CEP63: variants seen among roughly 807,000 people sequenced by gnomAD.
CEP63 encodes centrosomal protein 63, also known as centrosomal protein of 63 kDa.
CEP63 carries 84 observed loss-of-function variants against 89.1 expected under a neutral mutation model. The observed-to-expected ratio is 0.94, with a 90% CI of 0.79 to 1.13. CEP63 has a LOEUF of 1.13. Among genes scored for constraint, CEP63 ranks in the 50% most tolerant of loss-of-function variants. CEP63 has a pLI of 0.00. For synonymous variants in CEP63, 267 were observed against 272.5 expected (o/e 0.98, Z 0.20); for missense variants, 838 against 813.3 (o/e 1.03, Z -0.37).
At chr3:134,744,945 A>G in the CEP63 span, among the ~76,000 whole-genome samples, 2 of 152,224 alleles carry the variant, frequency 1.3e-5, no homozygotes, top group Admixed American at 6.5e-5. Flanking sequence ...ATGAGCACAT[A>G]CAATAAAATG....
chr3:134,690,967 T>C, the CEP63 span, among the ~76,000 whole-genome samples: 2 of 152,146 alleles, frequency 1.3e-5, no homozygotes, highest in Admixed American at 6.5e-5. Context: ...CAGGCTGGTC[T>C]CAAACTCCTG....
At chr3:134,742,735 G>C in the CEP63 span, among the ~76,000 whole-genome samples, 2 of 152,346 alleles carry the variant, frequency 1.3e-5, no homozygotes, top group East Asian at 3.9e-4. Context: ...TCATGGGTGG[G>C]TTTAACTTCT....
In CEP63 at chr3:134,507,200, C is replaced by T. The variant is rs373820907; in HGVS notation, c.136C>T (p.Arg46Cys). ...VAHKKSEWEG[R>C]THALETCLKI... The stretch of plus-strand genomic sequence containing the variant: ...TCATAAAAAATCTGAATGGGAAGGA[C>T]GTACACATGCTCTAGAAACTTGCTT... The change falls in exon 3 of 15, where the codon CGT (arginine) becomes TGT (cysteine). Residue 46 changes from arginine (R) to cysteine (C), a missense_variant. Arg to Cys is a radical substitution (Grantham distance 180). Transcript: ENST00000675561. 42 of 1,612,236 alleles carry T rather than the reference C, an allele frequency of 2.6e-5. No homozygotes were observed. In the Admixed American group the frequency reaches 4.3e-4, roughly 17 times the overall value.
the CEP63 span, among the ~76,000 whole-genome samples, chr3:134,781,537 C>G: frequency 0.01 from 1,571 of 152,250 alleles, 28 homozygotes; most frequent in African/African-American, 0.034. Context: ...GGGCTGCAAG[C>G]CTACCCATCA....
At chr3:134,668,029 C>T in the CEP63 span, among the ~76,000 whole-genome samples, 9 of 152,212 alleles carry the variant, frequency 5.9e-5, no homozygotes, top group Non-Finnish European at 7.3e-5. Flanking sequence ...CCTGGTGACA[C>T]GTCCTGGGAG....
chr3:134,777,793 T>G, the CEP63 span, among the ~76,000 whole-genome samples: 1 of 151,834 alleles, frequency 6.6e-6, no homozygotes, highest in African/African-American at 2.4e-5. Flanking sequence ...TTTGAATTTT[T>G]TTAGTAGAGA....
downstream of CEP63, among the ~76,000 whole-genome samples, chr3:134,588,907 C>T (rs933950841): frequency 1.3e-5 from 2 of 152,096 alleles, no homozygotes; most frequent in African/African-American, 4.8e-5. Flanking sequence ...ATCTTACAGA[C>T]AGTAACAAAA....
At chr3:134,699,937 C>G in the CEP63 span, among the ~76,000 whole-genome samples, 1 of 152,248 alleles carries the variant, frequency 6.6e-6, no homozygotes, top group Non-Finnish European at 1.5e-5. Context: ...AGCTCCAGAA[C>G]TGACTGAGTC....
chr3:134,581,556 G>A (rs1958347878), intron 10 of CEP63, among the ~76,000 whole-genome samples: 1 of 151,498 alleles, frequency 6.6e-6, no homozygotes, highest in African/African-American at 2.4e-5. Context: ...ACTCCAGCCT[G>A]GGCAACAAGA....
chr3:134,679,849 A>T, the CEP63 span, among the ~76,000 whole-genome samples: 2 of 152,270 alleles, frequency 1.3e-5, no homozygotes, highest in African/African-American at 4.8e-5. Context: ...CAGCCTCCAG[A>T]GTAGCTGGGA....
Position 134,581,981 on chromosome 3 carries a change from AT to A in CEP63, c.1207-5470del, listed in dbSNP as rs746956984. On this transcript the variant is annotated intron_variant, in intron 10 of 10. Transcript: ENST00000683931. ...TGAGCCACCGCGCCCGGCCGAAAAC[AT>A]TTTTTTAAACCAGAAATAGAAATAG... Among the ~76,000 whole-genome samples the A allele has an allele frequency of 1.5e-3, 223 of 152,160 alleles. 2 individuals are homozygous for A. The highest frequency in any genetic ancestry group is 5.2e-3 in the African/African-American group (215 of 41,534).
At chr3:134,561,250 A>C in intron 14 of CEP63, 127 bp from the exon 15 acceptor site, 2 of 1,022,700 alleles carry the variant, frequency 2.0e-6, no homozygotes, top group Non-Finnish European at 3.0e-6. Flanking sequence ...GATGAAAACC[A>C]AAAAAGTATC....
At chr3:134,505,135 A>G (rs1168827756) in intron 2 of CEP63, among the ~76,000 whole-genome samples, 2 of 152,148 alleles carry the variant, frequency 1.3e-5, no homozygotes, top group African/African-American at 2.4e-5. Flanking sequence ...GGGATCTGTT[A>G]CCAGAGAATT....
At chr3:134,527,042 A>G (rs1320017680) in intron 3 of CEP63, among the ~76,000 whole-genome samples, 1 of 152,132 alleles carries the variant, frequency 6.6e-6, no homozygotes, top group East Asian at 1.9e-4. Flanking sequence ...GTGGCAGCCA[A>G]AGCATTTCAT....
the CEP63 span, among the ~76,000 whole-genome samples, chr3:134,710,736 T>C: frequency 6.6e-6 from 1 of 151,250 alleles, no homozygotes; most frequent in African/African-American, 2.4e-5. Context: ...CTTTTTTTTT[T>C]TTTTGAGATG....
the CEP63 span, among the ~76,000 whole-genome samples, chr3:134,599,156 G>A: frequency 2.0e-5 from 3 of 152,196 alleles, no homozygotes; most frequent in African/African-American, 7.2e-5. Context: ...AAACTCTCCG[G>A]ACTGGAAGGG....
At chr3:134,741,595 A>T in the CEP63 span, among the ~76,000 whole-genome samples, 1 of 152,160 alleles carries the variant, frequency 6.6e-6, no homozygotes, top group African/African-American at 2.4e-5. Flanking sequence ...GGCTCTCAAC[A>T]TTCATACTTG....
At chr3:134,533,024 T>C (rs1360037499) in intron 5 of CEP63, 124 bp downstream of exon 5, 6 of 980,950 alleles carry the variant, frequency 6.1e-6, no homozygotes, top group Non-Finnish European at 9.5e-6. Flanking sequence ...ACTAAGCTAT[T>C]TCAGAGGTGA....
chr3:134,737,049 A>G, the CEP63 span, among the ~76,000 whole-genome samples: 6 of 152,342 alleles, frequency 3.9e-5, no homozygotes, highest in Admixed American at 2.6e-4. Context: ...TTTTTGATCA[A>G]TGGAAAAAGG....
Sources: gnomAD v4.1 joint callset for allele counts (sites outside exome capture counted in the v4.1 genomes callset) on GRCh38, gnomAD v4.1.1 for gene constraint, MANE v1.5 for transcripts, NCBI Gene and HGNC (gene_info 2026-07-23, HGNC 2026-07-21) for gene names.